RAB6A: variants seen among roughly 807,000 people sequenced by gnomAD.
The protein encoded by RAB6A is ras-related protein Rab-6A.
A neutral mutation model predicts 32.3 loss-of-function variants in RAB6A; 8 were observed. The ratio of observed to expected loss-of-function variants is 0.25; its 90% CI spans 0.15 to 0.45. The LOEUF (loss-of-function observed/expected upper bound fraction) is 0.45, where lower values mean the gene tolerates loss of function less well. Among genes scored for constraint, RAB6A ranks in the 20% least tolerant of loss-of-function variants. The pLI is 1.00. For missense variants in RAB6A, 104 were observed against 249.4 expected (o/e 0.42, Z 3.93); for synonymous variants, 73 against 82.1 (o/e 0.89, Z 0.60).
At chr11:73,722,883 C>T (rs1234060133) in intron 2 of RAB6A, among the ~76,000 whole-genome samples, 2 of 151,360 alleles carry the variant, frequency 1.3e-5, no homozygotes, top group African/African-American at 4.9e-5. Flanking sequence ...CTCGGCTCAC[C>T]GCAATTTCTG....
At chr11:73,741,376 G>A (rs969306768) in intron 1 of RAB6A, among the ~76,000 whole-genome samples, 5 of 152,092 alleles carry the variant, frequency 3.3e-5, no homozygotes, top group African/African-American at 1.2e-4. Context: ...GACCTAAGGT[G>A]ATCCACCCAC....
chr11:73,690,143 C>A (rs1656546185), intron 6 of RAB6A, among the ~76,000 whole-genome samples: 2 of 152,128 alleles, frequency 1.3e-5, no homozygotes, highest in Admixed American at 6.6e-5. Context: ...TATTAACTAC[C>A]CCATTATTAC....
intron 6 of RAB6A, among the ~76,000 whole-genome samples, chr11:73,690,311 C>T (rs34963286): frequency 0.036 from 5,541 of 152,306 alleles, 147 homozygotes; most frequent in Middle Eastern, 0.071. Context: ...TCCTTCAGGA[C>T]CCATTCCTTG....
intron 6 of RAB6A, among the ~76,000 whole-genome samples, chr11:73,702,787 C>T (rs1281597178): frequency 2.0e-5 from 3 of 152,082 alleles, no homozygotes. Context: ...TACCAAAACT[C>T]ATCTAATAGT....
At chr11:73,697,644 G>A (rs1338989465) in intron 6 of RAB6A, among the ~76,000 whole-genome samples, 2 of 152,062 alleles carry the variant, frequency 1.3e-5, no homozygotes, top group East Asian at 3.9e-4. Flanking sequence ...ACTGTGCCTG[G>A]CCCCTACTTC....
chr11:73,692,987 C>CA (rs914543199), intron 6 of RAB6A, among the ~76,000 whole-genome samples: 13 of 148,154 alleles, frequency 8.8e-5, no homozygotes, highest in African/African-American at 3.2e-4. Flanking sequence ...AACAAAAAAA[C>CA]AAAAAACAAA....
At position 73,719,441 on chromosome 11, in the gene RAB6A, T is replaced by C. The variant is rs147797027; in HGVS notation, c.184-723A>G. 2.8e-3 allele frequency among the ~76,000 whole-genome samples: 426 copies of C among 152,308 alleles called. 3 individuals are homozygous for C. Among genetic ancestry groups the C allele is most frequent in the African/African-American group, 8.9e-3 (369 of 41,586 alleles). On this transcript the variant is annotated intron_variant, in intron 3 of 7. Coordinates refer to ENST00000336083, the MANE Select transcript of RAB6A (RefSeq NM_198896.2). ...ATTTTCCCCAGAACATGCGAGTGTG[T>C]GCGCGCACGCATGCACGCGTGTGTG...
At chr11:73,752,960 T>C (rs892813316) in intron 1 of RAB6A, among the ~76,000 whole-genome samples, 4 of 152,088 alleles carry the variant, frequency 2.6e-5, no homozygotes, top group Admixed American at 1.3e-4. Flanking sequence ...GGAAGTCTAA[T>C]AAAAAGTCCA....
At chr11:73,732,685 G>A (rs1165303836) in intron 1 of RAB6A, among the ~76,000 whole-genome samples, 1 of 152,290 alleles carries the variant, frequency 6.6e-6, no homozygotes, top group East Asian at 1.9e-4. Context: ...GCTTGAATCT[G>A]GGAGGCAGAG....
chr11:73,718,497 TATGATAAAACTTATTTTTAC>T, intron 4 of RAB6A, 96 bp downstream of exon 4: 2 of 842,754 alleles, frequency 2.4e-6, no homozygotes, highest in South Asian at 3.8e-5. Flanking sequence ...TGTAATTTAC[TATGATAAAACTTATTTTTAC>T]ATGCCAGTAA....
intron 1 of RAB6A, among the ~76,000 whole-genome samples, chr11:73,745,008 G>T (rs530388220): frequency 1.3e-5 from 2 of 151,034 alleles, no homozygotes; most frequent in Non-Finnish European, 2.9e-5. Flanking sequence ...AAAGAGTACT[G>T]GCATAAGACT....
intron 6 of RAB6A, among the ~76,000 whole-genome samples, chr11:73,700,331 T>C (rs1945720395): frequency 1.3e-5 from 2 of 152,300 alleles, no homozygotes; most frequent in South Asian, 2.1e-4. Context: ...CCAGGCACCA[T>C]GGCTCACACC....
At chr11:73,709,644 C>T (rs1945909512) in intron 5 of RAB6A, among the ~76,000 whole-genome samples, 1 of 149,944 alleles carries the variant, frequency 6.7e-6, no homozygotes, top group South Asian at 2.1e-4. Flanking sequence ...CCACTGTTTA[C>T]ATTTTCTGGC....
chr11:73,728,980 T>A (rs1414421877), intron 2 of RAB6A, among the ~76,000 whole-genome samples: 2 of 152,200 alleles, frequency 1.3e-5, no homozygotes, highest in Admixed American at 1.3e-4. Flanking sequence ...TATATTCCGA[T>A]TTTCTATTTC....
At chr11:73,737,074 G>A (rs896117528) in intron 1 of RAB6A, among the ~76,000 whole-genome samples, 12 of 151,672 alleles carry the variant, frequency 7.9e-5, no homozygotes, top group Non-Finnish European at 1.2e-4. Flanking sequence ...CATATAGAAC[G>A]TATTATCTGC....
chr11:73,701,422 G>A (rs1311467185), intron 6 of RAB6A, among the ~76,000 whole-genome samples: 1 of 152,274 alleles, frequency 6.6e-6, no homozygotes, highest in South Asian at 2.1e-4. Context: ...CTGAATACCA[G>A]CACAACTTCT....
At chr11:73,757,088 A>AATATACATACATATATAT (rs1274683881) in intron 1 of RAB6A, among the ~76,000 whole-genome samples, 3 of 113,708 alleles carry the variant, frequency 2.6e-5, no homozygotes, top group African/African-American at 1.0e-4. Context: ...TAGTATCTTA[A>AATATACATACATATATAT]ATATACATAC....
chr11:73,722,896 T>C (rs1428812086), intron 2 of RAB6A, among the ~76,000 whole-genome samples: 1 of 152,040 alleles, frequency 6.6e-6, no homozygotes, highest in African/African-American at 2.4e-5. Context: ...AATTTCTGCC[T>C]CCTGGGTTCA....
chr11:73,692,502 C>CA (rs34201129), intron 6 of RAB6A, among the ~76,000 whole-genome samples: 15,255 of 56,050 alleles, frequency 0.27, 2,404 homozygotes, highest in Non-Finnish European at 0.29. Flanking sequence ...GACTCTGTCT[C>CA]AAAAAAAAAA....
Sources: gnomAD v4.1 joint callset for allele counts (sites outside exome capture counted in the v4.1 genomes callset) on GRCh38, gnomAD v4.1.1 for gene constraint, MANE v1.5 for transcripts, NCBI Gene and HGNC (gene_info 2026-07-23, HGNC 2026-07-21) for gene names.